Variants in GRM5 observed in about 807,000 individuals in gnomAD.
GRM5 encodes the protein glutamate metabotropic receptor 5, also known as metabotropic glutamate receptor 5.
A neutral mutation model predicts 83.1 loss-of-function variants in GRM5; 19 were observed. That is an observed-to-expected ratio of 0.23 (90% confidence interval 0.16 to 0.34). The LOEUF is 0.34. Ranked by LOEUF, GRM5 falls within the 10% of genes least tolerant of loss-of-function variation. GRM5 has a pLI of 1.00. For synonymous variants in GRM5, 675 were observed against 633.6 expected (o/e 1.07, Z -0.98); for missense variants, 1,160 against 1,588.3 (o/e 0.73, Z 4.58).
At chr11:88,912,171 T>C (rs1945511367) in intron 2 of GRM5, 1 of 199,894 alleles carries the variant, frequency 5.0e-6, no homozygotes, top group South Asian at 8.8e-5. Flanking sequence ...GCTTCAAAAA[T>C]AACATTGTTA....
chr11:88,920,081 G>A (rs183875563), intron 2 of GRM5, among the ~76,000 whole-genome samples: 90 of 151,430 alleles, frequency 5.9e-4, no homozygotes, highest in African/African-American at 2.1e-3. Flanking sequence ...TTGAAACAGG[G>A]GAAAATACAA....
chr11:88,512,831 A>G (rs1565318476), intron 9 of GRM5, among the ~76,000 whole-genome samples: 1 of 152,242 alleles, frequency 6.6e-6, no homozygotes, highest in Non-Finnish European at 1.5e-5. Flanking sequence ...CAGAAAATAA[A>G]AAGTATACTC....
Position 88,970,718 on chromosome 11 carries a change from TGATAA to T in GRM5, c.661+76489_661+76493del, listed in dbSNP as rs1939141520. 2.0e-5 allele frequency among the ~76,000 whole-genome samples: 3 copies of T among 152,310 alleles called. No homozygotes were observed. In the South Asian group the frequency reaches 6.2e-4, roughly 32 times the overall value. On this transcript the variant is annotated intron_variant, in intron 2 of 9. Transcript: ENST00000305447. ...CATATCTGGAATCAACAGTTCTAACTGATAAATTTGTCTTCCTTTTTCTCTTTCCC... is the reference window on the plus strand; with the variant it reads ...CATATCTGGAATCAACAGTTCTAACTATTTGTCTTCCTTTTTCTCTTTCCC...
At chr11:88,800,435 T>C (rs1943368055) in intron 3 of GRM5, among the ~76,000 whole-genome samples, 1 of 152,028 alleles carries the variant, frequency 6.6e-6, no homozygotes, top group Non-Finnish European at 1.5e-5. Flanking sequence ...ACCTTCTAGA[T>C]TACTTGCAAA....
intron 2 of GRM5, among the ~76,000 whole-genome samples, chr11:88,934,828 G>A (rs537619118): frequency 3.3e-5 from 5 of 151,884 alleles, no homozygotes; most frequent in African/African-American, 9.6e-5. Flanking sequence ...TCAGGCAAAT[G>A]TTTTTCTTTT....
chr11:88,783,585 A>G (rs963063402), intron 3 of GRM5, among the ~76,000 whole-genome samples: 10 of 152,076 alleles, frequency 6.6e-5, no homozygotes, highest in African/African-American at 2.4e-4. Flanking sequence ...TTAAACAATA[A>G]CCATGATTTT....
At chr11:88,723,002 G>A (rs1400748718) in intron 3 of GRM5, among the ~76,000 whole-genome samples, 1 of 151,922 alleles carries the variant, frequency 6.6e-6, no homozygotes, top group Admixed American at 6.6e-5. Context: ...AAAATCCCCT[G>A]TGCCCTGCCC....
intron 3 of GRM5, among the ~76,000 whole-genome samples, chr11:88,809,330 A>G (rs915058849): frequency 3.3e-5 from 5 of 152,028 alleles, no homozygotes; most frequent in Non-Finnish European, 4.4e-5. Flanking sequence ...TCTTAACTGT[A>G]GCCAGTTTAT....
chr11:88,813,734 G>T (rs1222635705), intron 3 of GRM5, among the ~76,000 whole-genome samples: 3 of 152,092 alleles, frequency 2.0e-5, no homozygotes, highest in African/African-American at 7.2e-5. Flanking sequence ...ACACAGATGA[G>T]TATGCATATA....
Position 89,065,764 on chromosome 11 carries a change from C to T in GRM5, c.-201+12G>A, listed in dbSNP as rs1409815433. On this transcript the variant is annotated intron_variant, in intron 1 of 9. Transcript: ENST00000305447. ...ACTATAGCCAAGAGAAAGAAAAAGG[C>T]GCTGTGCTTACCAGGTGCGCGCCCT... 1.3e-5 allele frequency: 2 copies of T among 152,286 alleles called. No individual in the cohort carries two copies. The highest frequency in any genetic ancestry group is 2.9e-5 in the Non-Finnish European group (2 of 68,096). The allele number at this position is 152,286 out of a possible 1,614,324, so 9.4% of individuals were successfully genotyped here.
intron 3 of GRM5, among the ~76,000 whole-genome samples, chr11:88,665,911 T>C (rs1233337551): frequency 1.3e-5 from 2 of 151,854 alleles, no homozygotes; most frequent in Admixed American, 6.6e-5. Flanking sequence ...TGACAATTCA[T>C]TGAAGTTGAA....
intron 3 of GRM5, among the ~76,000 whole-genome samples, chr11:88,812,381 C>A (rs1025721751): frequency 2.6e-5 from 4 of 152,042 alleles, no homozygotes; most frequent in Non-Finnish European, 5.9e-5. Flanking sequence ...ATAGAATGTT[C>A]CAACTGGAGA....
At chr11:88,663,441 T>C (rs957538288) in intron 3 of GRM5, among the ~76,000 whole-genome samples, 2 of 152,246 alleles carry the variant, frequency 1.3e-5, no homozygotes, top group Non-Finnish European at 2.9e-5. Flanking sequence ...CATCATATTA[T>C]AGCCATTTGG....
Position 89,023,955 on chromosome 11 carries a change from G to T in GRM5, c.661+23257C>A, listed in dbSNP as rs183765621. On this transcript the variant is annotated intron_variant, in intron 2 of 9. Coordinates refer to ENST00000305447, the MANE Select transcript of GRM5 (RefSeq NM_001143831.3). The stretch of plus-strand genomic sequence containing the variant: ...AGTTGTCCATCAGAGGCCAGGCACA[G>T]TGGCTCATGCCTGTAATCCCAGCAC... Among the ~76,000 whole-genome samples the T allele has an allele frequency of 1.1e-3, 165 of 152,146 alleles. 1 individual carries two copies. The highest frequency in any genetic ancestry group is 3.8e-3 in the African/African-American group (157 of 41,514).
intron 2 of GRM5, among the ~76,000 whole-genome samples, chr11:89,030,552 C>T (rs953809479): frequency 2.0e-5 from 3 of 151,990 alleles, no homozygotes; most frequent in African/African-American, 7.2e-5. Flanking sequence ...TAACTCATAG[C>T]ATTATTGTAA....
chr11:88,865,664 G>A (rs1944650052), intron 2 of GRM5, among the ~76,000 whole-genome samples: 1 of 151,616 alleles, frequency 6.6e-6, no homozygotes, highest in Admixed American at 6.6e-5. Context: ...CTATCCATCT[G>A]ACAAAGGACT....
At chr11:88,984,928 C>A (rs1402457557) in intron 2 of GRM5, 8 of 593,018 alleles carry the variant, frequency 1.3e-5, no homozygotes, top group Non-Finnish European at 2.2e-5. Context: ...TTTTTAAATG[C>A]CATTTTAATA....
intron 4 of GRM5, among the ~76,000 whole-genome samples, chr11:88,648,567 T>A (rs1939532024): frequency 7.3e-6 from 1 of 136,494 alleles, no homozygotes; most frequent in Admixed American, 7.5e-5. Flanking sequence ...GACGAGTTAG[T>A]GGGTGCAGTG....
chr11:88,829,181 GCATGCTTGGTGGCT>G (rs1943944104), intron 3 of GRM5, among the ~76,000 whole-genome samples: 2 of 151,916 alleles, frequency 1.3e-5, no homozygotes, highest in African/African-American at 2.4e-5. Flanking sequence ...CACTATGTTG[GCATGCTTGGTGGCT>G]CATGCCTATA....
Sources: allele counts gnomAD v4.1 joint callset (sites outside exome capture counted in the v4.1 genomes callset), GRCh38; gene constraint gnomAD v4.1.1; transcripts MANE v1.5; gene names NCBI Gene and HGNC (gene_info 2026-07-23, HGNC 2026-07-21).